CLSTN2: variants seen among roughly 807,000 people sequenced by gnomAD.
CLSTN2 encodes calsyntenin 2, also known as calsyntenin-2.
CLSTN2 carries 48 observed loss-of-function variants against 101.2 expected under a neutral mutation model. The observed-to-expected ratio is 0.47, with a 90% CI of 0.38 to 0.60. The LOEUF (loss-of-function observed/expected upper bound fraction) is 0.60. CLSTN2 is among the 20% of genes least tolerant of loss of function. The pLI, the probability that CLSTN2 is intolerant of heterozygous loss-of-function variation, is 0.00. For missense variants in CLSTN2, 1,160 were observed against 1,238.2 expected (o/e 0.94, Z 0.95); for synonymous variants, 481 against 463.6 (o/e 1.04, Z -0.48).
intron 1 of CLSTN2, among the ~76,000 whole-genome samples, chr3:139,989,159 G>C (rs1936077498): frequency 1.3e-5 from 2 of 152,130 alleles, no homozygotes; most frequent in Non-Finnish European, 2.9e-5. Flanking sequence ...ATTCTGCTGG[G>C]GTTTCTCCTC....
At chr3:140,534,929 ACTT>A (rs1165302995) in intron 9 of CLSTN2, among the ~76,000 whole-genome samples, 1 of 152,182 alleles carries the variant, frequency 6.6e-6, no homozygotes, top group African/African-American at 2.4e-5. Flanking sequence ...CCACATTCTC[ACTT>A]CTTTGTGGTT....
At chr3:140,307,193 C>T (rs1483528065) in intron 2 of CLSTN2, among the ~76,000 whole-genome samples, 3 of 152,154 alleles carry the variant, frequency 2.0e-5, no homozygotes, top group African/African-American at 7.2e-5. Context: ...GAACTGTAAG[C>T]CCATTAAACC....
chr3:140,553,942 T>G (rs1935753549), intron 10 of CLSTN2, among the ~76,000 whole-genome samples: 1 of 151,846 alleles, frequency 6.6e-6, no homozygotes. Flanking sequence ...TTTTGGGGAG[T>G]GACAGGAGAT....
chr3:140,511,690 C>T (rs1231451773), intron 8 of CLSTN2, among the ~76,000 whole-genome samples: 3 of 151,212 alleles, frequency 2.0e-5, no homozygotes, highest in Middle Eastern at 6.9e-3. Context: ...GCTGGGACTA[C>T]AGATGCCAGC....
At chr3:140,031,827 G>A (rs1316783816) in intron 1 of CLSTN2, among the ~76,000 whole-genome samples, 1 of 152,192 alleles carries the variant, frequency 6.6e-6, no homozygotes, top group Non-Finnish European at 1.5e-5. Context: ...TGGTTATTAA[G>A]AGGCAAAGCT....
chr3:140,217,396 A>C (rs1440844937), intron 2 of CLSTN2, among the ~76,000 whole-genome samples: 1 of 152,210 alleles, frequency 6.6e-6, no homozygotes, highest in African/African-American at 2.4e-5. Context: ...CCTGCCCCCA[A>C]GAACTAGCTT....
chr3:140,157,347 G>A (rs140912801), intron 1 of CLSTN2, among the ~76,000 whole-genome samples: 1 of 152,120 alleles, frequency 6.6e-6, no homozygotes, highest in Non-Finnish European at 1.5e-5. Context: ...GTAGAATTCA[G>A]CTGTGAATCC....
At chr3:140,316,595 T>G (rs544024570) in intron 2 of CLSTN2, among the ~76,000 whole-genome samples, 1 of 152,352 alleles carries the variant, frequency 6.6e-6, no homozygotes, top group Non-Finnish European at 1.5e-5. Flanking sequence ...CAGTTCATTC[T>G]GCTGGTATGT....
At chr3:140,095,306 G>A (rs751978801) in intron 1 of CLSTN2, among the ~76,000 whole-genome samples, 3 of 152,172 alleles carry the variant, frequency 2.0e-5, no homozygotes, top group Non-Finnish European at 4.4e-5. Context: ...GTCGTGGGGA[G>A]GACAGTTTCT....
chr3:139,935,284 C>T lies in CLSTN2; in HGVS notation c.-91C>T. 1 of 637,500 alleles carries T rather than the reference C, an allele frequency of 1.6e-6. No individual in the cohort carries two copies. 39.5% of individuals were successfully genotyped at this position (637,500 alleles called of 1,614,324 possible). On this transcript the variant is annotated 5_prime_UTR_variant, in exon 1 of 17. Coordinates refer to ENST00000458420, the MANE Select transcript of CLSTN2 (RefSeq NM_022131.3). This position sits in a 1 kb window ranked among gnomAD's most constrained non-coding sequence, Gnocchi z 5.5. ...CTAGAAGCGCACCCATCGGGCACGG[C>T]GAGGCGGCCCACGGTGCGGCAGGCA... is the stretch of plus-strand genomic sequence containing the variant.
intron 6 of CLSTN2, among the ~76,000 whole-genome samples, chr3:140,458,730 C>A (rs1402141437): frequency 6.6e-6 from 1 of 152,220 alleles, no homozygotes; most frequent in African/African-American, 2.4e-5. Context: ...ATAGCTAACA[C>A]TGAGTGAACC....
At chr3:140,457,204 G>C (rs533225360) in intron 6 of CLSTN2, among the ~76,000 whole-genome samples, 2 of 152,132 alleles carry the variant, frequency 1.3e-5, no homozygotes, top group Admixed American at 6.5e-5. Context: ...TCTCTGCACC[G>C]GGCCCTGCTA....
chr3:140,031,523 T>G (rs1449991222), intron 1 of CLSTN2, among the ~76,000 whole-genome samples: 1 of 152,240 alleles, frequency 6.6e-6, no homozygotes, highest in Admixed American at 6.5e-5. Flanking sequence ...TCTCGCTGTT[T>G]TGCTATCCAA....
At chr3:140,173,401 T>C (rs2010269672) in intron 1 of CLSTN2, among the ~76,000 whole-genome samples, 1 of 152,232 alleles carries the variant, frequency 6.6e-6, no homozygotes, top group Non-Finnish European at 1.5e-5. Context: ...CCCTCCCAGC[T>C]GCTTTCATGG....
intron 5 of CLSTN2, among the ~76,000 whole-genome samples, chr3:140,442,340 A>G (rs1344995942): frequency 6.6e-6 from 1 of 152,132 alleles, no homozygotes; most frequent in Non-Finnish European, 1.5e-5. Context: ...CCAAGAGCTG[A>G]CTGGAATTAT....
chr3:140,457,978 T>A (rs936794057), intron 6 of CLSTN2, among the ~76,000 whole-genome samples: 1 of 152,156 alleles, frequency 6.6e-6, no homozygotes, highest in Non-Finnish European at 1.5e-5. Flanking sequence ...AAGCAGAGCA[T>A]CTGGGTTCTA....
At chr3:140,336,982 A>G (rs928922853) in intron 2 of CLSTN2, among the ~76,000 whole-genome samples, 40 of 152,114 alleles carry the variant, frequency 2.6e-4, no homozygotes, top group African/African-American at 9.7e-4. Context: ...GGGAGAACTG[A>G]GCAGCTGTTT....
chr3:140,268,752 A>G (rs951029802), intron 2 of CLSTN2, among the ~76,000 whole-genome samples: 4 of 152,152 alleles, frequency 2.6e-5, no homozygotes, highest in African/African-American at 9.7e-5. Context: ...TGTACATGGT[A>G]TAGTTGGCAG....
At chr3:140,497,087 C>T (rs546906553) in intron 8 of CLSTN2, among the ~76,000 whole-genome samples, 4 of 137,548 alleles carry the variant, frequency 2.9e-5, no homozygotes, top group Non-Finnish European at 6.0e-5. Context: ...GGTGACACAG[C>T]GAGACTCCGT....
Sources: allele counts gnomAD v4.1 joint callset (sites outside exome capture counted in the v4.1 genomes callset), GRCh38; gene constraint gnomAD v4.1.1; non-coding constraint Gnocchi (gnomAD v3.1); transcripts MANE v1.5; gene names NCBI Gene and HGNC (gene_info 2026-07-23, HGNC 2026-07-21).